Variants in RPL27A observed in about 807,000 individuals in gnomAD.
RPL27A encodes the protein ribosomal protein L27a.
For missense variants in RPL27A, 118 were observed against 189.4 expected (o/e 0.62, Z 2.21); for synonymous variants, 69 against 68.3 (o/e 1.01, Z -0.05).
At chr11:8,683,162 C>G (rs746896934) in intron 1 of RPL27A, 40 bp from the exon 2 acceptor site, 45 of 1,603,904 alleles carry the variant, frequency 2.8e-5, no homozygotes, top group Non-Finnish European at 3.8e-5. Context: ...CCCCCTGCCC[C>G]TAATTCCTTA....
In RPL27A at chr11:8,687,398, C is replaced by CCCG. The variant is rs1291945958; in HGVS notation, c.*1594_*1595insGCC. 3 of 140,224 alleles carry CCCG rather than the reference C, an allele frequency of 2.1e-5. No individual in the cohort carries two copies. The highest frequency in any genetic ancestry group is 2.2e-4 in the East Asian group (1 of 4,552). 8.7% of individuals were successfully genotyped at this position (140,224 alleles called of 1,614,324 possible). A position where few individuals can be genotyped will look rare whatever the true frequency, so the allele number is the denominator to read the frequency against. On this transcript the variant is annotated 3_prime_UTR_variant, in exon 5 of 5. Transcript: ENST00000314138. ...CAAGAGTGAAACTCTGTCCACCCCC[C>CCCG]CCAAAAAAAGTAAGGGCTCTCCATT...
In RPL27A at chr11:8,688,941, G is replaced by C. The variant is rs527245388; in HGVS notation, c.*3135G>C. 4.6e-5 allele frequency: 7 copies of C among 152,366 alleles called. No homozygotes were observed. In the East Asian group the frequency reaches 1.4e-3, roughly 29 times the overall value. The allele number at this position is 152,366 out of a possible 1,614,324, so 9.4% of individuals were successfully genotyped here. A position where few individuals can be genotyped will look rare whatever the true frequency, so the allele number is the denominator to read the frequency against. On this transcript the variant is annotated 3_prime_UTR_variant, in exon 5 of 5. Coordinates refer to ENST00000314138, the MANE Select transcript of RPL27A (RefSeq NM_000990.5). ...CAGTGGCGTCCTCACAACACAGACC[G>C]GACCTTGGGTCTTACCCCGGCACCT...
rs566356430 is a variant in RPL27A, at chr11:8,683,339, C to T, written c.67+74C>T. ...CTTAGCTAGTCTGGAGATCGGTAGCCTATAAGTGGGTTAGAATAAGACCTT... is the reference window on the plus strand; with the variant it reads ...CTTAGCTAGTCTGGAGATCGGTAGCTTATAAGTGGGTTAGAATAAGACCTT... On this transcript the variant is annotated intron_variant, in intron 2 of 4. Transcript: ENST00000314138. 1.5e-5 allele frequency: 20 copies of T among 1,325,234 alleles called. No individual in the cohort carries two copies. The East Asian group carries it at 3.9e-4, about 26-fold the overall frequency. The allele number at this position is 1,325,234 out of a possible 1,614,324, so 82.1% of individuals were successfully genotyped here. A position where few individuals can be genotyped will look rare whatever the true frequency, so the allele number is the denominator to read the frequency against.
At chr11:8,683,173 G>T in intron 1 of RPL27A, 29 bp from the exon 2 acceptor site, 1 of 1,612,178 alleles carries the variant, frequency 6.2e-7, no homozygotes. Flanking sequence ...TAATTCCTTA[G>T]GCCTTACCAC....
At chr11:8,683,409 T>G in intron 2 of RPL27A, 144 bp downstream of exon 2, 1 of 681,058 alleles carries the variant, frequency 1.5e-6, no homozygotes, top group Non-Finnish European at 2.6e-6. Flanking sequence ...CTGACGATCC[T>G]CTAGTATTCC....
intron 3 of RPL27A, chr11:8,684,319 G>A: frequency 1.3e-6 from 1 of 745,728 alleles, no homozygotes; most frequent in Non-Finnish European, 2.5e-6. Flanking sequence ...CTGGCTGTGG[G>A]CCTTATGGCA....
In RPL27A at chr11:8,686,298, C is replaced by T. The variant is rs935900848; in HGVS notation, c.*492C>T. The T allele has an allele frequency of 3.9e-5, 6 of 153,176 alleles. No individual in the cohort carries two copies. The highest frequency in any genetic ancestry group is 1.5e-4 in the African/African-American group (6 of 41,276). 9.5% of individuals were successfully genotyped at this position (153,176 alleles called of 1,614,324 possible). ...CCAGGCTGGAGTGCAGTGGCACGAT[C>T]TCGGCTCACTGCAGCCTCCGCCTCC... is the stretch of plus-strand genomic sequence containing the variant. On this transcript the variant is annotated 3_prime_UTR_variant, in exon 5 of 5. Transcript: ENST00000314138.
At chr11:8,684,234 C>T in intron 3 of RPL27A, 153 bp downstream of exon 3, 6 of 781,622 alleles carry the variant, frequency 7.7e-6, no homozygotes, top group Non-Finnish European at 9.2e-6. Flanking sequence ...GTCATCGAGG[C>T]TAGAGTCACG....
Position 8,685,950 on chromosome 11 carries a change from C to A in RPL27A, c.*144C>A. On this transcript the variant is annotated 3_prime_UTR_variant, in exon 5 of 5. Transcript: ENST00000314138. ...GGGTATGAAGACATGGGGTCCTCTC[C>A]TGACTTCCCTCAAATATATGGTAAA... 1.5e-6 allele frequency: 1 copy of A among 684,630 alleles called. No individual in the cohort carries two copies. The highest frequency in any genetic ancestry group is 2.4e-6 in the Non-Finnish European group (1 of 409,072). The allele number at this position is 684,630 out of a possible 1,614,324, so 42.4% of individuals were successfully genotyped here.
In RPL27A at chr11:8,684,081, A is replaced by G; in HGVS notation, c.143A>G (p.Tyr48Cys). Residue 48 changes from tyrosine (Y) to cysteine (C), a missense_variant and splice_region_variant, in exon 3 of 5, where the codon TAC becomes TGC. By Grantham distance (194) the Tyr-to-Cys change is radical. Coordinates refer to ENST00000314138, the MANE Select transcript of RPL27A (RefSeq NM_000990.5). ...CACCACCGGATCAACTTCGACAAAT[A>G]GTAAGTGTCCTTGGACTGCTTTTAT... Reference protein sequence around the residue: ...LHHHRINFDKYHPGYFGKVGM... With the variant: ...LHHHRINFDKCHPGYFGKVGM... The G allele has an allele frequency of 6.2e-7, 1 of 1,612,910 alleles. No homozygotes were observed. The highest frequency in any genetic ancestry group is 8.5e-7 in the Non-Finnish European group (1 of 1,179,194).
intron 3 of RPL27A, 135 bp downstream of exon 3, chr11:8,684,216 G>A: frequency 1.2e-6 from 1 of 808,838 alleles, no homozygotes; most frequent in Non-Finnish European, 2.2e-6. Context: ...GGTGTGAACT[G>A]AGAACCTGTC....
chr11:8,683,104 G>C (rs2039520233), intron 1 of RPL27A, 98 bp from the exon 2 acceptor site: 1 of 1,288,698 alleles, frequency 7.8e-7, no homozygotes, highest in South Asian at 1.2e-5. Flanking sequence ...CCAGAAGTTA[G>C]GTCTTTGACC....
Position 8,685,795 on chromosome 11 carries a change from C to T in RPL27A, c.436C>T (p.Leu146=), listed in dbSNP as rs773750807. ...KIKSVGGACV[L]VA ...TAAGAGTGTTGGGGGGGCCTGTGTC[C>T]TGGTGGCTTGAAGCCACATGGAGGG... Residue 146 remains leucine (L), a synonymous_variant, in exon 5 of 5, where the codon CTG becomes TTG. Transcript: ENST00000314138. 75 of 1,613,720 alleles carry T rather than the reference C, an allele frequency of 4.6e-5. No homozygotes were observed. The highest frequency in any genetic ancestry group is 6.2e-5 in the Non-Finnish European group (73 of 1,179,858).
At chr11:8,683,383 A>G (rs1218837785) in intron 2 of RPL27A, 118 bp downstream of exon 2, 2 of 818,412 alleles carry the variant, frequency 2.4e-6, no homozygotes, top group Non-Finnish European at 4.0e-6. Context: ...CAAGTTGCAC[A>G]GCTGTTGATT....
intron 1 of RPL27A, 85 bp downstream of exon 1, chr11:8,682,901 T>G: frequency 3.4e-6 from 5 of 1,458,844 alleles, no homozygotes; most frequent in Non-Finnish European, 4.7e-6. Context: ...ATCCACTCCC[T>G]ACCATGGTCG....
Position 8,683,276 on chromosome 11 carries a change from G to A in RPL27A, c.67+11G>A, listed in dbSNP as rs370131058. The A allele has an allele frequency of 4.4e-5, 71 of 1,613,598 alleles. No homozygotes were observed. The highest frequency in any genetic ancestry group is 5.8e-5 in the Non-Finnish European group (69 of 1,179,552). On this transcript the variant is annotated intron_variant, in intron 2 of 4. Coordinates refer to ENST00000314138, the MANE Select transcript of RPL27A (RefSeq NM_000990.5). Reference sequence around the variant, plus strand: ...GCCACGGCCGCATAGGTAAGTGCCGGCTTCCCCTCGGGGTGGGCCTTGGGC... The same window carrying A: ...GCCACGGCCGCATAGGTAAGTGCCGACTTCCCCTCGGGGTGGGCCTTGGGC...
chr11:8,685,105 T>C (rs1030092200), intron 4 of RPL27A: 9 of 595,538 alleles, frequency 1.5e-5, no homozygotes, highest in Non-Finnish European at 1.8e-5. Context: ...GCTTGAACTA[T>C]AGCTGGTTTT....
Position 8,683,190 on chromosome 11 carries a change from T to G in RPL27A, c.4-12T>G. The G allele has an allele frequency of 6.2e-7, 1 of 1,614,094 alleles. No individual in the cohort carries two copies. Among genetic ancestry groups the G allele is most frequent in the Non-Finnish European group, 8.5e-7 (1 of 1,179,958 alleles). On this transcript the variant is annotated splice_polypyrimidine_tract_variant and intron_variant, in intron 1 of 4. Coordinates refer to ENST00000314138, the MANE Select transcript of RPL27A (RefSeq NM_000990.5). Reference sequence around the variant, plus strand: ...ATTCCTTAGGCCTTACCACCAAGCTTTTTCCACACAGCCATCCAGACTGAG... The same window carrying G: ...ATTCCTTAGGCCTTACCACCAAGCTGTTTCCACACAGCCATCCAGACTGAG...
At chr11:8,683,519 G>A in intron 2 of RPL27A, 1 of 569,466 alleles carries the variant, frequency 1.8e-6, no homozygotes, top group Non-Finnish European at 3.1e-6. Context: ...CTGTGATGTG[G>A]AACCTGAAAA....
Sources: allele counts gnomAD v4.1 joint callset, GRCh38; gene constraint gnomAD v4.1.1; transcripts MANE v1.5; gene names NCBI Gene and HGNC (gene_info 2026-07-23, HGNC 2026-07-21).